The following GPR171 variants were observed in gnomAD, a reference collection of about 807,000 sequenced individuals.
The protein encoded by GPR171 is G protein-coupled receptor 171.
A neutral mutation model predicts 16.7 loss-of-function variants in GPR171; 14 were observed. The observed-to-expected ratio is 0.84, with a 90% CI of 0.55 to 1.31. The LOEUF (loss-of-function observed/expected upper bound fraction) is 1.31. GPR171 is among the 40% of genes most tolerant of loss of function. GPR171 has a pLI of 0.00. For missense variants in GPR171, 337 were observed against 378.9 expected (o/e 0.89, Z 0.92); for synonymous variants, 134 against 135.6 (o/e 0.99, Z 0.08).
chr3:151,201,223 A>ACTCTCTCTCT (rs58729370), intron 1 of GPR171, among the ~76,000 whole-genome samples: 3 of 147,896 alleles, frequency 2.0e-5, no homozygotes, highest in African/African-American at 7.4e-5. Context: ...ACGTGCACAC[A>ACTCTCTCTCT]CTCTCTCTCT....
rs771947167 is a variant in GPR171 at position 151,199,102 on chromosome 3, A to G, written c.285T>C (p.Tyr95=). The G allele has an allele frequency of 1.2e-6, 2 of 1,614,056 alleles. No individual in the cohort carries two copies. Among genetic ancestry groups the G allele is most frequent in the South Asian group, 2.2e-5 (2 of 91,086 alleles). The stretch of plus-strand genomic sequence containing the variant: ...AGATAATTGATAAATACATATTGAT[A>G]TAGATGAGGCAGGCTGTTACTTGGC... The part of the protein sequence containing the change: ...FHCQVTACLI[Y]INMYLSIIFL... The change falls in exon 3 of 3, where the codon TAT becomes TAC. Residue 95 remains tyrosine (Y), a synonymous_variant. Transcript: ENST00000309180.
At chr3:151,201,126 GAAAT>G (rs1355774509) in intron 1 of GPR171, 129 bp from the exon 2 acceptor site, 1 of 152,118 alleles carries the variant, frequency 6.6e-6, no homozygotes, top group African/African-American at 2.4e-5. Context: ...TAATAAAGCT[GAAAT>G]AAACTATTTT....
intron 1 of GPR171, among the ~76,000 whole-genome samples, chr3:151,202,575 C>T (rs1195420354): frequency 6.6e-6 from 1 of 152,160 alleles, no homozygotes; most frequent in Non-Finnish European, 1.5e-5. Flanking sequence ...GAGGCTGAGG[C>T]AGGAGAATTG....
chr3:151,201,221 A>ACTCTCTCT (rs199616990), intron 1 of GPR171, among the ~76,000 whole-genome samples: 5 of 148,994 alleles, frequency 3.4e-5, no homozygotes, highest in African/African-American at 1.3e-4. Context: ...CCACGTGCAC[A>ACTCTCTCT]CACTCTCTCT....
chr3:151,198,574 C>T lies in GPR171; in HGVS notation c.813G>A (p.Leu271=), dbSNP rs1365217915. ...AGCACAGGTTCGACACAGCCAGGAG[C>T]AGTGTAGCCTCTTTGGCTTTGAAGA... The part of the protein sequence containing the change: ...ISLFKAKEAT[L]LLAVSNLCFD... The change falls in exon 3 of 3, where the codon CTG becomes CTA. Residue 271 remains leucine, a synonymous_variant. Transcript: ENST00000309180. 1.2e-6 allele frequency: 2 copies of T among 1,614,012 alleles called. No homozygotes were observed. Among genetic ancestry groups the T allele is most frequent in the Non-Finnish European group, 1.7e-6 (2 of 1,179,930 alleles).
chr3:151,198,867 T>C lies in GPR171; in HGVS notation c.520A>G (p.Arg174Gly). ...GCMEFKKEFG[R>G]NWHLLTNFIC... ...AAATTTGTCAGCAAATGCCAATTTC[T>C]TCCAAATTCCTTTTTAAACTCCATA... The change falls in exon 3 of 3, where the codon AGA becomes GGA. Residue 174 changes from arginine to glycine, a missense_variant. Arg to Gly is a moderately radical substitution (Grantham distance 125, BLOSUM62 -2). Transcript: ENST00000309180. 1.9e-6 allele frequency: 3 copies of C among 1,614,140 alleles called. No individual in the cohort carries two copies. Among genetic ancestry groups the C allele is most frequent in the Non-Finnish European group, 1.7e-6 (2 of 1,179,970 alleles).
chr3:151,199,488 A>T, intron 2 of GPR171, 49 bp from the exon 3 acceptor site: 1 of 1,022,976 alleles, frequency 9.8e-7, no homozygotes, highest in Non-Finnish European at 1.4e-6. Context: ...ATTAGCAACT[A>T]TTTTCTTTAA....
rs1290834350 is a variant in GPR171, at chr3:151,200,951, C to T, written c.-96G>A. On this transcript the variant is annotated 5_prime_UTR_variant, in exon 2 of 3. Transcript: ENST00000309180. ...GTAAGATATAAAGCCAGGATTCCAG[C>T]TCAGTCAGTCTGATCTCAGAATCAC... The T allele has an allele frequency of 2.0e-5, 3 of 152,164 alleles. No homozygotes were observed. Among genetic ancestry groups the T allele is most frequent in the African/African-American group, 7.2e-5 (3 of 41,436 alleles). The allele number at this position is 152,164 out of a possible 1,614,324, so 9.4% of individuals were successfully genotyped here.
At chr3:151,202,024 C>T (rs1037768987) in intron 1 of GPR171, among the ~76,000 whole-genome samples, 2 of 152,116 alleles carry the variant, frequency 1.3e-5, no homozygotes, top group African/African-American at 2.4e-5. Flanking sequence ...CTAGAACTGA[C>T]GATATATACC....
chr3:151,198,913 C>T lies in GPR171; in HGVS notation c.474G>A (p.Lys158=). The T allele has an allele frequency of 6.2e-7, 1 of 1,613,984 alleles. No homozygotes were observed. The highest frequency in any genetic ancestry group is 8.5e-7 in the Non-Finnish European group (1 of 1,180,008). The part of the protein sequence containing the change: ...PNMMIPIKDI[K]EKSNVGCMEF... ...CCATACAACCCACATTTGACTTTTC[C>T]TTGATGTCTTTGATGGGAATCATCA... The change falls in exon 3 of 3, where the codon AAG becomes AAA. Residue 158 remains lysine, a synonymous_variant. Transcript: ENST00000309180.
Position 151,198,760 on chromosome 3 carries a change from G to A in GPR171, c.627C>T (p.Asn209=). Residue 209 remains asparagine (N), a synonymous_variant, in exon 3 of 3, where the codon AAC becomes AAT. Coordinates refer to ENST00000309180, the MANE Select transcript of GPR171 (RefSeq NM_013308.4). ...NCLVIRQLYR[N]KDNENYPNVK... is the part of the protein sequence containing the mutation. Reference sequence around the variant, plus strand: ...CATTTGGGTAATTTTCATTATCTTTGTTTCTGTAGAGCTGTCGAATTACAA... The same window carrying A: ...CATTTGGGTAATTTTCATTATCTTTATTTCTGTAGAGCTGTCGAATTACAA... 1.9e-6 allele frequency: 3 copies of A among 1,613,600 alleles called. No individual in the cohort carries two copies. The highest frequency in any genetic ancestry group is 2.5e-6 in the Non-Finnish European group (3 of 1,179,528).
chr3:151,200,410 AT>A (rs1725377847), intron 2 of GPR171, among the ~76,000 whole-genome samples: 1 of 152,208 alleles, frequency 6.6e-6, no homozygotes, highest in African/African-American at 2.4e-5. Flanking sequence ...CCTGAAGATT[AT>A]TTTTGTATTT....
In GPR171 at chr3:151,202,408, C is replaced by T. The variant is rs374611330; in HGVS notation, c.-143+696G>A. On this transcript the variant is annotated intron_variant, in intron 1 of 2. Transcript: ENST00000309180. Reference sequence around the variant, plus strand: ...TAAACTGGCTGGGCACAGTGGCTCACGCCTGTAATCCCAGCACTTTGGGAG... The same window carrying T: ...TAAACTGGCTGGGCACAGTGGCTCATGCCTGTAATCCCAGCACTTTGGGAG... Among the ~76,000 whole-genome samples the T allele has an allele frequency of 4.5e-4, 69 of 152,360 alleles. No homozygotes were observed. The South Asian group carries it at 0.013, about 29-fold the overall frequency.
chr3:151,199,358 A>C lies in GPR171; in HGVS notation c.29T>G (p.Val10Gly). MTNSSFFCP[V>G]YKDLEPFTYF... The stretch of plus-strand genomic sequence containing the variant: ...CGTGAATGGCTCCAGATCTTTATAA[A>C]CTGGGCAGAAGAACGAACTGTTTGT... Residue 10 changes from valine to glycine, a missense_variant, in exon 3 of 3, where the codon GTT (valine) becomes GGT (glycine). Physicochemically the swap from Val to Gly is moderately radical, Grantham distance 109 (BLOSUM62 -3). Coordinates refer to ENST00000309180, the MANE Select transcript of GPR171 (RefSeq NM_013308.4). 6.2e-7 allele frequency: 1 copy of C among 1,612,480 alleles called. No individual in the cohort carries two copies. Among genetic ancestry groups the C allele is most frequent in the Non-Finnish European group, 8.5e-7 (1 of 1,179,400 alleles).
At position 151,198,710 on chromosome 3, in the gene GPR171, A is replaced by C; in HGVS notation, c.677T>G (p.Leu226Arg). 1.2e-6 allele frequency: 2 copies of C among 1,614,036 alleles called. No individual in the cohort carries two copies. The highest frequency in any genetic ancestry group is 1.7e-6 in the Non-Finnish European group (2 of 1,179,882). Residue 226 changes from leucine (L) to arginine (R), a missense_variant, in exon 3 of 3, where the codon CTT (leucine) becomes CGT (arginine). Transcript: ENST00000309180. ...PNVKKALINILLVTTGYIICF... is the reference protein window; with the variant it reads ...PNVKKALINIRLVTTGYIICF... ...TATGATGTAGCCCGTGGTCACTAAAAGTATGTTGATGAGAGCCTTTTTCAC... is the reference window on the plus strand; with the variant it reads ...TATGATGTAGCCCGTGGTCACTAAACGTATGTTGATGAGAGCCTTTTTCAC...
At position 151,198,348 on chromosome 3, in the gene GPR171, T is replaced by G. The variant is rs1291775290; in HGVS notation, c.*79A>C. 1.4e-5 allele frequency: 15 copies of G among 1,094,014 alleles called. No individual in the cohort carries two copies. The highest frequency in any genetic ancestry group is 1.7e-5 in the Non-Finnish European group (14 of 800,842). 67.8% of individuals were successfully genotyped at this position (1,094,014 alleles called of 1,614,324 possible). On this transcript the variant is annotated 3_prime_UTR_variant, in exon 3 of 3. Coordinates refer to ENST00000309180, the MANE Select transcript of GPR171 (RefSeq NM_013308.4). The stretch of plus-strand genomic sequence containing the variant: ...TCATACTGAGTTTTTTTTTGTTTTT[T>G]TTTTTTTTATCTTTCAAAGCTATAA...
intron 1 of GPR171, among the ~76,000 whole-genome samples, chr3:151,202,064 A>G (rs1331367471): frequency 6.6e-6 from 1 of 152,242 alleles, no homozygotes; most frequent in Non-Finnish European, 1.5e-5. Context: ...GAAATGAATA[A>G]TCATTCAGTA....
Position 151,199,405 on chromosome 3 carries a change from T to A in GPR171, c.-19A>T. The A allele has an allele frequency of 1.3e-6, 2 of 1,570,132 alleles. No homozygotes were observed. The highest frequency in any genetic ancestry group is 1.7e-6 in the Non-Finnish European group (2 of 1,163,646). ...TTGTCATCTTGAGGGAAAGTAAGGA[T>A]GACTGCTTATTGAAAAGAAAAAATT... is the stretch of plus-strand genomic sequence containing the variant. On this transcript the variant is annotated 5_prime_UTR_variant, in exon 3 of 3. Transcript: ENST00000309180.
At position 151,198,922 on chromosome 3, in the gene GPR171, T is replaced by C; in HGVS notation, c.465A>G (p.Lys155=). The C allele has an allele frequency of 6.2e-7, 1 of 1,614,104 alleles. No individual in the cohort carries two copies. Among genetic ancestry groups the C allele is most frequent in the Non-Finnish European group, 8.5e-7 (1 of 1,180,026 alleles). ...IMVPNMMIPI[K]DIKEKSNVGC... ...CCACATTTGACTTTTCCTTGATGTC[T>C]TTGATGGGAATCATCATATTTGGCA... is the stretch of plus-strand genomic sequence containing the variant. The change falls in exon 3 of 3, where the codon AAA becomes AAG. Residue 155 remains lysine, a synonymous_variant. Transcript: ENST00000309180.
Sources: gnomAD v4.1 joint callset for allele counts (sites outside exome capture counted in the v4.1 genomes callset) on GRCh38, gnomAD v4.1.1 for gene constraint, MANE v1.5 for transcripts, NCBI Gene and HGNC (gene_info 2026-07-23, HGNC 2026-07-21) for gene names.